COP1: variants seen among roughly 807,000 people sequenced by gnomAD.
The protein encoded by COP1 is E3 ubiquitin-protein ligase COP1.
In COP1, 24 loss-of-function variants were observed where a neutral mutation model predicts 101.3. The observed-to-expected ratio is 0.24, with a 90% CI of 0.17 to 0.33. COP1 has a LOEUF of 0.33. COP1 is among the 10% of genes least tolerant of loss of function. The pLI, the probability that COP1 is intolerant of heterozygous loss-of-function variation, is 1.00. For missense variants in COP1, 663 were observed against 906.2 expected (o/e 0.73, Z 3.45); for synonymous variants, 347 against 341.9 (o/e 1.01, Z -0.17).
chr1:176,178,338 CAA>C (rs11409695), intron 2 of COP1, among the ~76,000 whole-genome samples: 1 of 111,482 alleles, frequency 9.0e-6, no homozygotes. Context: ...TCTGTCTCTA[CAA>C]AAAAAAAAAA....
At chr1:176,038,455 A>C (rs1031463914) in intron 14 of COP1, among the ~76,000 whole-genome samples, 2 of 152,226 alleles carry the variant, frequency 1.3e-5, no homozygotes, top group African/African-American at 4.8e-5. Context: ...TTCAAAAACA[A>C]GGATGAAGGA....
At position 176,129,249 on chromosome 1, in the gene COP1, C is replaced by A. The variant is rs575311699; in HGVS notation, c.968+5761G>T. Among the ~76,000 whole-genome samples the A allele has an allele frequency of 2.0e-5, 3 of 151,798 alleles. No individual in the cohort carries two copies. In the South Asian group the frequency reaches 6.2e-4, roughly 32 times the overall value. On this transcript the variant is annotated intron_variant, in intron 8 of 19. Transcript: ENST00000367669. ...TTCCTATTGTCCCTACACTTTGATT[C>A]GTCTGGAACTTTGTCAAAATTACAG... is the stretch of plus-strand genomic sequence containing the variant.
At chr1:176,116,476 G>A in intron 9 of COP1, 148 bp downstream of exon 9, 1 of 572,548 alleles carries the variant, frequency 1.7e-6, no homozygotes, top group Non-Finnish European at 3.1e-6. Flanking sequence ...CTACCATTAT[G>A]CATAAGAGCT....
At chr1:175,958,763 T>C (rs867931017) in intron 18 of COP1, among the ~76,000 whole-genome samples, 3 of 151,968 alleles carry the variant, frequency 2.0e-5, no homozygotes, top group Non-Finnish European at 4.4e-5. Flanking sequence ...TATAAAAACT[T>C]ACCCAACTAA....
intron 18 of COP1, among the ~76,000 whole-genome samples, chr1:175,976,103 CTT>C (rs1439899211): frequency 6.6e-6 from 1 of 151,824 alleles, no homozygotes; most frequent in East Asian, 1.9e-4. Context: ...AAACAAAAAA[CTT>C]TGAGAAAATA....
At chr1:176,157,714 A>G (rs184590674) in intron 5 of COP1, among the ~76,000 whole-genome samples, 41 of 152,332 alleles carry the variant, frequency 2.7e-4, no homozygotes, top group Non-Finnish European at 1.0e-4. Flanking sequence ...GATTACAAAA[A>G]TATTCAGCAC....
chr1:175,950,971 C>T (rs1425507523), intron 18 of COP1, among the ~76,000 whole-genome samples: 10 of 152,150 alleles, frequency 6.6e-5, no homozygotes, highest in East Asian at 1.9e-4. Context: ...ATCTGGATGG[C>T]GCTGTGGGTC....
At chr1:175,983,335 A>G (rs909186441) in intron 18 of COP1, among the ~76,000 whole-genome samples, 3 of 152,194 alleles carry the variant, frequency 2.0e-5, no homozygotes, top group African/African-American at 4.8e-5. Context: ...GTGACAGTGA[A>G]TAAGTCTCAT....
chr1:176,152,450 A>T lies in COP1; in HGVS notation c.763-3376T>A, dbSNP rs1402887292. Among the ~76,000 whole-genome samples, 6 of 147,680 alleles carry T rather than the reference A, an allele frequency of 4.1e-5. No homozygotes were observed. The East Asian group carries it at 1.2e-3, about 29-fold the overall frequency. ...TAAATTAGAAGTAATTATTACTTAG[A>T]TTTTTTTTTTTTCTTGAGACAGAGC... On this transcript the variant is annotated intron_variant, in intron 5 of 19. Transcript: ENST00000367669.
chr1:175,981,418 C>A (rs1020725700), intron 18 of COP1, among the ~76,000 whole-genome samples: 12 of 152,140 alleles, frequency 7.9e-5, no homozygotes, highest in African/African-American at 2.6e-4. Flanking sequence ...AAGAATCTCT[C>A]TGGGGGAAAA....
chr1:176,159,627 AAAT>A (rs1693989048), intron 5 of COP1, among the ~76,000 whole-genome samples: 1 of 152,064 alleles, frequency 6.6e-6, no homozygotes, highest in Non-Finnish European at 1.5e-5. Flanking sequence ...AATTTAAAAT[AAAT>A]AAACCAAATC....
intron 6 of COP1, among the ~76,000 whole-genome samples, chr1:176,147,857 C>A (rs1036521330): frequency 7.9e-5 from 12 of 152,216 alleles, no homozygotes; most frequent in African/African-American, 2.9e-4. Flanking sequence ...CAGGCTCCAA[C>A]AGAGCCTCCC....
At chr1:176,128,047 T>TC (rs779922830) in intron 8 of COP1, among the ~76,000 whole-genome samples, 1 of 152,020 alleles carries the variant, frequency 6.6e-6, no homozygotes, top group Non-Finnish European at 1.5e-5. Flanking sequence ...AAATACCTGT[T>TC]CAAGTCCTTT....
intron 15 of COP1, among the ~76,000 whole-genome samples, chr1:176,008,960 T>G (rs528791910): frequency 1.3e-5 from 2 of 152,354 alleles, no homozygotes. Context: ...GTGGAATGCT[T>G]TCAGAGCTTA....
intron 1 of COP1, among the ~76,000 whole-genome samples, chr1:176,187,538 T>C (rs1698625113): frequency 6.6e-6 from 1 of 152,140 alleles, no homozygotes; most frequent in Non-Finnish European, 1.5e-5. Context: ...CATGAGCCAC[T>C]TATTCCTGGC....
At chr1:176,177,990 A>G (rs565462151) in intron 2 of COP1, among the ~76,000 whole-genome samples, 1 of 152,188 alleles carries the variant, frequency 6.6e-6, no homozygotes, top group Non-Finnish European at 1.5e-5. Context: ...ATATCTACTG[A>G]AAAATGACCT....
At chr1:176,114,349 G>A (rs1397399445) in intron 9 of COP1, among the ~76,000 whole-genome samples, 1 of 152,046 alleles carries the variant, frequency 6.6e-6, no homozygotes, top group Non-Finnish European at 1.5e-5. Flanking sequence ...TATAATACAG[G>A]ATGATGTACA....
intron 15 of COP1, among the ~76,000 whole-genome samples, chr1:176,008,235 CCACT>C (rs1169249373): frequency 4.6e-5 from 7 of 152,194 alleles, no homozygotes; most frequent in Non-Finnish European, 1.0e-4. Context: ...TGATCTGCAC[CCACT>C]GTCTGGCACT....
At chr1:176,175,175 C>T (rs979960412) in intron 3 of COP1, among the ~76,000 whole-genome samples, 5 of 152,148 alleles carry the variant, frequency 3.3e-5, no homozygotes, top group African/African-American at 1.2e-4. Flanking sequence ...TGTCCCCTTG[C>T]CCTCAATATT....
Sources: gnomAD v4.1 joint callset for allele counts (sites outside exome capture counted in the v4.1 genomes callset) on GRCh38, gnomAD v4.1.1 for gene constraint, MANE v1.5 for transcripts, NCBI Gene and HGNC (gene_info 2026-07-23, HGNC 2026-07-21) for gene names.